The following TMPRSS11D variants were observed in gnomAD, a reference collection of about 807,000 sequenced individuals.
The protein encoded by TMPRSS11D is transmembrane serine protease 11D.
A neutral mutation model predicts 44.4 loss-of-function variants in TMPRSS11D; 32 were observed. The observed-to-expected ratio is 0.72, with a 90% CI of 0.54 to 0.97. The LOEUF is 0.97. Ranked by LOEUF, TMPRSS11D falls within the 50% of genes least tolerant of loss-of-function variation. The probability of loss-of-function intolerance (pLI) is 0.00; values close to 1 mark genes in which losing one functional copy is unlikely to be tolerated. For synonymous variants in TMPRSS11D, 179 were observed against 177.9 expected (o/e 1.01, Z -0.05); for missense variants, 446 against 502.6 (o/e 0.89, Z 1.08).
Position 67,862,896 on chromosome 4 carries a change from G to A in TMPRSS11D, c.9-3218C>T, listed in dbSNP as rs112609720. On this transcript the variant is annotated intron_variant, in intron 1 of 9. Coordinates refer to ENST00000283916, the MANE Select transcript of TMPRSS11D (RefSeq NM_004262.3). ...CACAGGGAGGGGAACATCACACACC[G>A]GGGACTGTTGTGGGGTGGGGGAGAG... 1.4e-3 allele frequency among the ~76,000 whole-genome samples: 214 copies of A among 151,964 alleles called. 1 individual carries two copies. The highest frequency in any genetic ancestry group is 4.7e-3 in the African/African-American group (196 of 41,464).
Position 67,879,459 on chromosome 4 carries a change from G to A in TMPRSS11D, c.8+4467C>T, listed in dbSNP as rs183678848. Reference sequence around the variant, plus strand: ...TGCACTCCAGCCTGGGCGACAGAGCGAGACTCCTTCTCAAAAAAAAAAAAA... The same window carrying A: ...TGCACTCCAGCCTGGGCGACAGAGCAAGACTCCTTCTCAAAAAAAAAAAAA... On this transcript the variant is annotated intron_variant, in intron 1 of 9. Transcript: ENST00000283916. Among the ~76,000 whole-genome samples, 1,219 of 127,868 alleles carry A rather than the reference G, an allele frequency of 9.5e-3. 17 individuals carry two copies. The highest frequency in any genetic ancestry group is 0.034 in the African/African-American group (1,116 of 33,284). The allele number at this position is 127,868 out of a possible 152,430, so 83.9% of individuals were successfully genotyped here. A position where few individuals can be genotyped will look rare whatever the true frequency, so the allele number is the denominator to read the frequency against.
At chr4:67,867,017 G>T (rs12108583) in intron 1 of TMPRSS11D, among the ~76,000 whole-genome samples, 8,159 of 151,686 alleles carry the variant, frequency 0.054, 692 homozygotes, top group African/African-American at 0.18. Flanking sequence ...AAGAGCCAAA[G>T]AGCCAAAGCA....
chr4:67,864,476 A>G lies in TMPRSS11D; in HGVS notation c.9-4798T>C, dbSNP rs374172795. Among the ~76,000 whole-genome samples the G allele has an allele frequency of 3.3e-5, 5 of 152,142 alleles. No individual in the cohort carries two copies. In the East Asian group the frequency reaches 5.8e-4, roughly 18 times the overall value. On this transcript the variant is annotated intron_variant, in intron 1 of 9. Coordinates refer to ENST00000283916, the MANE Select transcript of TMPRSS11D (RefSeq NM_004262.3). ...AAAGTATAAAACTCACTTGTCTTAT[A>G]AAACAAAGAAATGAGAAAGAGAAAG...
At chr4:67,831,176 T>TA (rs979569104) in intron 7 of TMPRSS11D, among the ~76,000 whole-genome samples, 3 of 152,056 alleles carry the variant, frequency 2.0e-5, no homozygotes, top group Non-Finnish European at 2.9e-5. Context: ...TAAAGGCAGA[T>TA]AAAAAAATTT....
At chr4:67,853,311 G>T (rs1718553372) in intron 3 of TMPRSS11D, among the ~76,000 whole-genome samples, 1 of 152,126 alleles carries the variant, frequency 6.6e-6, no homozygotes, top group African/African-American at 2.4e-5. Flanking sequence ...TTAAAAGCCT[G>T]GATTAAGGAA....
chr4:67,834,711 G>T (rs910984668), intron 6 of TMPRSS11D, among the ~76,000 whole-genome samples: 3 of 152,110 alleles, frequency 2.0e-5, no homozygotes, highest in Non-Finnish European at 4.4e-5. Flanking sequence ...AGCTACTCTG[G>T]TGGTTAGGAG....
At chr4:67,834,406 C>T (rs997296849) in intron 6 of TMPRSS11D, among the ~76,000 whole-genome samples, 6 of 152,198 alleles carry the variant, frequency 3.9e-5, no homozygotes, top group East Asian at 3.9e-4. Flanking sequence ...GAATTAAATA[C>T]GTAGTGAAGC....
At chr4:67,848,446 A>C (rs1002923010) in intron 3 of TMPRSS11D, among the ~76,000 whole-genome samples, 6 of 152,194 alleles carry the variant, frequency 3.9e-5, no homozygotes, top group African/African-American at 1.4e-4. Flanking sequence ...CAGGTATTGG[A>C]ATACAACGAT....
chr4:67,865,858 TCAA>T lies in TMPRSS11D; in HGVS notation c.9-6183_9-6181del, dbSNP rs556439228. On this transcript the variant is annotated intron_variant, in intron 1 of 9. Transcript: ENST00000283916. ...AATTGAATAAGAAAAAAAACATCTT[TCAA>T]CAACAACAAAAATCCCAGGACCAGA... 1.8e-4 allele frequency among the ~76,000 whole-genome samples: 28 copies of T among 151,812 alleles called. No homozygotes were observed. In the South Asian group the frequency reaches 5.8e-3, roughly 31 times the overall value.
chr4:67,852,948 AAC>A (rs1202852262), intron 3 of TMPRSS11D, among the ~76,000 whole-genome samples: 1 of 151,202 alleles, frequency 6.6e-6, no homozygotes, highest in African/African-American at 2.4e-5. Context: ...GCATGAGATC[AAC>A]ACAGATACAA....
chr4:67,865,277 A>G (rs1202415834), intron 1 of TMPRSS11D, among the ~76,000 whole-genome samples: 1 of 151,818 alleles, frequency 6.6e-6, no homozygotes, highest in Non-Finnish European at 1.5e-5. Flanking sequence ...TCTTTGGGTC[A>G]ATAACAAAAT....
chr4:67,880,609 C>T (rs899000682), intron 1 of TMPRSS11D, among the ~76,000 whole-genome samples: 2 of 152,008 alleles, frequency 1.3e-5, no homozygotes, highest in Non-Finnish European at 2.9e-5. Flanking sequence ...AAAATATACT[C>T]GGTGGCTTTT....
At chr4:67,847,199 C>T (rs918316185) in intron 3 of TMPRSS11D, among the ~76,000 whole-genome samples, 8 of 152,076 alleles carry the variant, frequency 5.3e-5, no homozygotes, top group Non-Finnish European at 4.4e-5. Context: ...CCACTGCATC[C>T]GGCCTTAAAA....
Position 67,859,671 on chromosome 4 carries a change from G to T in TMPRSS11D, c.16C>A (p.Arg6Ser). ...AGAAATCTTGAAGTCGAAGTTACAC[G>T]TGCTGGCCTTACAAGAGAGAGAGAT... Reference protein sequence around the residue: MYRPARVTSTSRFLNP... With the variant: MYRPASVTSTSRFLNP... Residue 6 changes from arginine to serine, a missense_variant, in exon 2 of 10, where the codon CGT becomes AGT. Transcript: ENST00000283916. 1.2e-6 allele frequency: 2 copies of T among 1,612,680 alleles called. No individual in the cohort carries two copies. Among genetic ancestry groups the T allele is most frequent in the Non-Finnish European group, 1.7e-6 (2 of 1,179,056 alleles).
At chr4:67,825,921 A>G (rs760392100) in intron 8 of TMPRSS11D, 47 bp from the exon 9 acceptor site, 10 of 1,525,056 alleles carry the variant, frequency 6.6e-6, no homozygotes, top group Non-Finnish European at 8.9e-6. Flanking sequence ...AGATGTGTAC[A>G]TTATTGACCC....
intron 1 of TMPRSS11D, among the ~76,000 whole-genome samples, chr4:67,863,198 T>G (rs1327279771): frequency 6.6e-6 from 1 of 151,126 alleles, no homozygotes; most frequent in Non-Finnish European, 1.5e-5. Context: ...ATGTAAAAAC[T>G]GATCAGAATG....
chr4:67,823,218 A>G (rs1381757305), intron 9 of TMPRSS11D, among the ~76,000 whole-genome samples: 1 of 152,186 alleles, frequency 6.6e-6, no homozygotes, highest in Non-Finnish European at 1.5e-5. Context: ...TCTGATGCAT[A>G]GTATATCATC....
At chr4:67,833,526 G>C in intron 6 of TMPRSS11D, 145 bp from the exon 7 acceptor site, 1 of 671,416 alleles carries the variant, frequency 1.5e-6, no homozygotes, top group Non-Finnish European at 2.2e-6. Context: ...AAGCATGATC[G>C]ATATATTTCT....
At chr4:67,832,042 A>C (rs1717958329) in intron 7 of TMPRSS11D, among the ~76,000 whole-genome samples, 1 of 152,188 alleles carries the variant, frequency 6.6e-6, no homozygotes, top group African/African-American at 2.4e-5. Context: ...TAAAATTCAA[A>C]TAGAGATGTG....
Sources: gnomAD v4.1 joint callset for allele counts (sites outside exome capture counted in the v4.1 genomes callset) on GRCh38, gnomAD v4.1.1 for gene constraint, MANE v1.5 for transcripts, NCBI Gene and HGNC (gene_info 2026-07-23, HGNC 2026-07-21) for gene names.